The following SOX6 variants were observed in gnomAD, a reference collection of about 807,000 sequenced individuals.
SOX6 encodes transcription factor SOX-6.
A neutral mutation model predicts 97.8 loss-of-function variants in SOX6; 11 were observed. The observed-to-expected ratio is 0.11, with a 90% CI of 0.07 to 0.19. The LOEUF (loss-of-function observed/expected upper bound fraction) is 0.19. Ranked by LOEUF, SOX6 falls within the 10% of genes least tolerant of loss-of-function variation. The probability of loss-of-function intolerance (pLI) is 1.00; values close to 1 mark genes in which losing one functional copy is unlikely to be tolerated. For synonymous variants in SOX6, 360 were observed against 371.4 expected, an observed-to-expected ratio of 0.97 and a Z score of 0.35; for missense variants, 810 against 1,039.5, an observed-to-expected ratio of 0.78 and a Z score of 3.04.
At chr11:16,619,100 G>T (rs1848507178) in intron 3 of SOX6, among the ~76,000 whole-genome samples, 2 of 151,918 alleles carry the variant, frequency 1.3e-5, no homozygotes, top group Non-Finnish European at 2.9e-5. Context: ...CATCACCATT[G>T]TGAGAAAATA....
intron 13 of SOX6, among the ~76,000 whole-genome samples, chr11:16,014,550 A>C (rs1026992481): frequency 6.6e-6 from 1 of 152,078 alleles, no homozygotes; most frequent in African/African-American, 2.4e-5. Flanking sequence ...TACAATTATT[A>C]CTTGTCAATG....
chr11:16,716,476 C>T (rs922068630), intron 2 of SOX6, among the ~76,000 whole-genome samples: 1 of 152,124 alleles, frequency 6.6e-6, no homozygotes, highest in Non-Finnish European at 1.5e-5. Context: ...GTGATCATTT[C>T]ATTTCAATGG....
intron 2 of SOX6, among the ~76,000 whole-genome samples, chr11:16,728,577 T>C (rs1372685460): frequency 2.0e-5 from 3 of 151,536 alleles, no homozygotes; most frequent in Admixed American, 6.6e-5. Context: ...AATCCGAAGG[T>C]CACCAACATC....
intron 6 of SOX6, among the ~76,000 whole-genome samples, chr11:16,125,484 T>G (rs140040391): frequency 2.0e-5 from 3 of 152,198 alleles, no homozygotes; most frequent in Non-Finnish European, 4.4e-5. Flanking sequence ...AAATAAAACT[T>G]GTCTTTTTCA....
intron 3 of SOX6, among the ~76,000 whole-genome samples, chr11:16,275,407 G>T (rs946063932): frequency 3.9e-5 from 6 of 152,086 alleles, no homozygotes; most frequent in African/African-American, 1.4e-4. Context: ...AGTGAGCCGA[G>T]ATCGTGCCAC....
intron 3 of SOX6, chr11:16,312,310 T>C (rs775958194): frequency 3.3e-5 from 5 of 152,200 alleles, no homozygotes; most frequent in Non-Finnish European, 5.9e-5. Context: ...AAAAGAGCCA[T>C]AGAGTCAGGA....
At chr11:16,070,604 G>T (rs768921345) in intron 9 of SOX6, among the ~76,000 whole-genome samples, 10 of 152,030 alleles carry the variant, frequency 6.6e-5, no homozygotes, top group Non-Finnish European at 1.5e-4. Flanking sequence ...AAACAAAAGG[G>T]TTAGTGAACA....
chr11:16,424,562 T>C (rs1859087691), intron 1 of SOX6, among the ~76,000 whole-genome samples: 2 of 145,558 alleles, frequency 1.4e-5, no homozygotes, highest in South Asian at 2.2e-4. Flanking sequence ...CAAGTGGTGA[T>C]GTCACCTTCT....
intron 3 of SOX6, among the ~76,000 whole-genome samples, chr11:16,308,550 G>A (rs758161798): frequency 6.6e-6 from 1 of 152,112 alleles, no homozygotes; most frequent in South Asian, 2.1e-4. Context: ...AGAGGTGAAG[G>A]TTTCCAGCTA....
intron 1 of SOX6, among the ~76,000 whole-genome samples, chr11:16,400,622 G>C (rs759803012): frequency 9.9e-5 from 15 of 151,298 alleles, no homozygotes; most frequent in Non-Finnish European, 1.8e-4. Flanking sequence ...TGAGTTTTTA[G>C]ATACAAAAAT....
intron 4 of SOX6, among the ~76,000 whole-genome samples, chr11:16,505,339 T>TGAGA (rs753459542): frequency 2.0e-5 from 3 of 152,148 alleles, no homozygotes; most frequent in Non-Finnish European, 4.4e-5. Flanking sequence ...ACTTTGAACT[T>TGAGA]GAGAGAGATG....
intron 1 of SOX6, among the ~76,000 whole-genome samples, chr11:16,381,244 G>A (rs1565122784): frequency 6.6e-6 from 1 of 151,816 alleles, no homozygotes; most frequent in African/African-American, 2.4e-5. Flanking sequence ...TCTGCAATAG[G>A]GTATCAAGGC....
At chr11:16,245,746 G>A (rs1011477191) in intron 3 of SOX6, among the ~76,000 whole-genome samples, 12 of 151,192 alleles carry the variant, frequency 7.9e-5, no homozygotes, top group African/African-American at 2.9e-4. Flanking sequence ...TATTAATATA[G>A]CCTTTTAAGC....
chr11:16,494,369 C>T (rs917675442), intron 4 of SOX6, among the ~76,000 whole-genome samples: 1 of 152,056 alleles, frequency 6.6e-6, no homozygotes, highest in Non-Finnish European at 1.5e-5. Flanking sequence ...AAGCAAAAGT[C>T]TGTCTCAAAA....
chr11:16,291,923 C>T (rs1169231553), intron 3 of SOX6, among the ~76,000 whole-genome samples: 1 of 152,100 alleles, frequency 6.6e-6, no homozygotes, highest in African/African-American at 2.4e-5. Flanking sequence ...TTCTTTACCA[C>T]ATGGTCTGTG....
chr11:16,331,050 T>TG (rs1277046530), intron 2 of SOX6, among the ~76,000 whole-genome samples: 1 of 152,198 alleles, frequency 6.6e-6, no homozygotes, highest in African/African-American at 2.4e-5. Context: ...TTTCTATGCC[T>TG]GGAGAGTCTC....
chr11:16,226,972 T>C (rs906286011), intron 4 of SOX6, among the ~76,000 whole-genome samples: 11 of 152,212 alleles, frequency 7.2e-5, no homozygotes, highest in African/African-American at 2.7e-4. Flanking sequence ...TGTATTGTAT[T>C]AAGCAGAGTA....
At chr11:16,497,320 T>C (rs1380158364) in intron 4 of SOX6, among the ~76,000 whole-genome samples, 7 of 152,080 alleles carry the variant, frequency 4.6e-5, no homozygotes. Context: ...CATCTGTATG[T>C]CACCATCGTC....
At chr11:16,065,502 A>C (rs1168359466) in intron 9 of SOX6, among the ~76,000 whole-genome samples, 2 of 151,760 alleles carry the variant, frequency 1.3e-5, no homozygotes, top group African/African-American at 2.4e-5. Flanking sequence ...ACAGAAATAG[A>C]AAAAAAATCC....
Sources: gnomAD v4.1 joint callset for allele counts (sites outside exome capture counted in the v4.1 genomes callset) on GRCh38, gnomAD v4.1.1 for gene constraint, MANE v1.5 for transcripts, NCBI Gene and HGNC (gene_info 2026-07-23, HGNC 2026-07-21) for gene names.